PRKN: variants seen among roughly 807,000 people sequenced by gnomAD.
PRKN encodes the protein E3 ubiquitin-protein ligase parkin.
In PRKN, 56 loss-of-function variants were observed where a neutral mutation model predicts 59.5. The observed-to-expected ratio is 0.94, with a 90% CI of 0.76 to 1.18. The LOEUF (loss-of-function observed/expected upper bound fraction) is 1.18, where lower values mean the gene tolerates loss of function less well. Ranked by LOEUF, PRKN falls within the 50% of genes most tolerant of loss-of-function variation. PRKN has a pLI of 0.00. For missense variants in PRKN, 657 were observed against 596.4 expected, an observed-to-expected ratio of 1.10 and a Z score of -1.06; for synonymous variants, 250 against 222.1, an observed-to-expected ratio of 1.13 and a Z score of -1.12.
intron 3 of PRKN, among the ~76,000 whole-genome samples, chr6:162,226,796 A>G (rs1188871152): frequency 6.6e-6 from 1 of 152,176 alleles, no homozygotes; most frequent in African/African-American, 2.4e-5. Context: ...CCATGAGTAT[A>G]ACAAGATTAA....
intron 1 of PRKN, among the ~76,000 whole-genome samples, chr6:162,483,141 A>T (rs57490888): frequency 0.23 from 34,366 of 152,022 alleles, 4,785 homozygotes; most frequent in African/African-American, 0.38. Context: ...CATAATGTGA[A>T]CCCCTATCCC....
intron 7 of PRKN, among the ~76,000 whole-genome samples, chr6:161,764,887 G>T (rs1789358055): frequency 6.6e-6 from 1 of 152,128 alleles, no homozygotes. Context: ...AAAAGCAACT[G>T]CAAATGTTTT....
At position 161,530,821 on chromosome 6, in the gene PRKN, G is replaced by A. The variant is rs1334548312; in HGVS notation, c.1083+18033C>T. Among the ~76,000 whole-genome samples, 1 of 151,984 alleles carries A rather than the reference G, an allele frequency of 6.6e-6. No individual in the cohort carries two copies. Among genetic ancestry groups the A allele is most frequent in the Non-Finnish European group, 1.5e-5 (1 of 67,998 alleles). On this transcript the variant is annotated intron_variant, in intron 9 of 11. Transcript: ENST00000366898. The surrounding 1 kb of genome is among the most constrained non-coding windows in gnomAD (Gnocchi z 5.0). The stretch of plus-strand genomic sequence containing the variant: ...GCGTGAGCCACCACACCTGGCCCAA[G>A]GCTTGCTTCTTTTAAGAGAAAAAGG...
chr6:161,934,714 T>C (rs1400497094), intron 6 of PRKN, among the ~76,000 whole-genome samples: 2 of 152,216 alleles, frequency 1.3e-5, no homozygotes, highest in Non-Finnish European at 2.9e-5. Flanking sequence ...TTTAAATATA[T>C]GTTGTTACTT....
intron 3 of PRKN, among the ~76,000 whole-genome samples, chr6:162,242,183 T>C (rs558725936): frequency 1.3e-5 from 2 of 152,278 alleles, no homozygotes; most frequent in East Asian, 1.9e-4. Context: ...GAGCAAAATA[T>C]GGACACAAAG....
chr6:161,710,348 G>A (rs191058707), intron 7 of PRKN, among the ~76,000 whole-genome samples: 2 of 152,134 alleles, frequency 1.3e-5, no homozygotes, highest in African/African-American at 2.4e-5. Flanking sequence ...TTACATCCAC[G>A]TAAACCCGTC....
chr6:162,553,422 A>G (rs1245759071), intron 1 of PRKN, among the ~76,000 whole-genome samples: 1 of 131,688 alleles, frequency 7.6e-6, no homozygotes, highest in African/African-American at 2.6e-5. Context: ...GGATAGATAT[A>G]GGGGGGGTGC....
intron 6 of PRKN, among the ~76,000 whole-genome samples, chr6:161,940,298 GA>G (rs1779513887): frequency 1.3e-5 from 2 of 151,430 alleles, no homozygotes; most frequent in African/African-American, 4.9e-5. Context: ...AAAAAGAAAA[GA>G]AAAGAAAAAG....
intron 1 of PRKN, among the ~76,000 whole-genome samples, chr6:162,540,581 G>A (rs923213440): frequency 6.5e-4 from 99 of 151,950 alleles, no homozygotes; most frequent in African/African-American, 2.3e-3. Flanking sequence ...GCTGAGGCAG[G>A]TGATCACCTG....
At chr6:162,404,360 ACT>A (rs1458754973) in intron 2 of PRKN, among the ~76,000 whole-genome samples, 2 of 144,980 alleles carry the variant, frequency 1.4e-5, no homozygotes, top group African/African-American at 2.6e-5. Context: ...ACAGAGTGAG[ACT>A]CTGTCAGAAA....
At chr6:162,558,588 C>T (rs1316972919) in intron 1 of PRKN, among the ~76,000 whole-genome samples, 1 of 152,010 alleles carries the variant, frequency 6.6e-6, no homozygotes, top group Non-Finnish European at 1.5e-5. Context: ...CTCAGCCTCC[C>T]AAAGTGCTGG....
chr6:161,778,875 A>G (rs577080401), intron 7 of PRKN, among the ~76,000 whole-genome samples: 18 of 152,286 alleles, frequency 1.2e-4, no homozygotes, highest in East Asian at 3.9e-4. Flanking sequence ...TGTGCTTTCA[A>G]TACATTATTT....
At chr6:162,357,525 C>G (rs978678631) in intron 2 of PRKN, among the ~76,000 whole-genome samples, 2 of 152,194 alleles carry the variant, frequency 1.3e-5, no homozygotes. Context: ...AAAGAACTCT[C>G]ATTCCTTCCT....
chr6:162,294,061 G>A (rs951589511), intron 2 of PRKN, among the ~76,000 whole-genome samples: 15 of 152,192 alleles, frequency 9.9e-5, no homozygotes, highest in African/African-American at 3.4e-4. Flanking sequence ...CAAGTCTTTA[G>A]GGCAGCAGGA....
At chr6:161,849,186 G>T (rs565782233) in intron 6 of PRKN, among the ~76,000 whole-genome samples, 1 of 152,148 alleles carries the variant, frequency 6.6e-6, no homozygotes, top group African/African-American at 2.4e-5. Context: ...TTTTCAGTTT[G>T]TTCCTCTGGG....
chr6:161,350,261 G>A, intron 11 of PRKN, 50 bp from the exon 12 acceptor site: 2 of 1,297,842 alleles, frequency 1.5e-6, no homozygotes, highest in Non-Finnish European at 1.1e-6. Flanking sequence ...CAAGTACCTG[G>A]AAAACACGCA....
intron 1 of PRKN, among the ~76,000 whole-genome samples, chr6:162,536,078 T>C (rs989417990): frequency 5.3e-5 from 8 of 152,072 alleles, no homozygotes; most frequent in East Asian, 1.9e-4. Context: ...ATGAAGATGG[T>C]AGGACTGTTC....
intron 4 of PRKN, among the ~76,000 whole-genome samples, chr6:162,181,135 C>G (rs985353337): frequency 1.3e-5 from 2 of 152,068 alleles, no homozygotes; most frequent in African/African-American, 4.8e-5. Flanking sequence ...GTGGGCTGAC[C>G]GAGGAACAGA....
intron 2 of PRKN, among the ~76,000 whole-genome samples, chr6:162,345,213 T>C (rs1298158416): frequency 3.3e-5 from 5 of 152,146 alleles, no homozygotes; most frequent in Admixed American, 1.3e-4. Flanking sequence ...TGAGAAAACA[T>C]AGATAAATCA....
Sources: allele counts gnomAD v4.1 joint callset (sites outside exome capture counted in the v4.1 genomes callset), GRCh38; gene constraint gnomAD v4.1.1; non-coding constraint Gnocchi (gnomAD v3.1); transcripts MANE v1.5; gene names NCBI Gene and HGNC (gene_info 2026-07-23, HGNC 2026-07-21).